Variants in SRM observed in about 807,000 individuals in gnomAD.
SRM encodes spermidine synthase, also known as putrescine aminopropyltransferase.
Under a neutral mutation model 39.3 loss-of-function variants are expected in SRM, and 14 were observed. The ratio of observed to expected loss-of-function variants is 0.36; its 90% CI spans 0.24 to 0.56. The LOEUF (loss-of-function observed/expected upper bound fraction) is 0.56. Among genes scored for constraint, SRM ranks in the 20% least tolerant of loss-of-function variants. The pLI is 0.86. For synonymous variants in SRM, 195 were observed against 173.1 expected (o/e 1.13, Z -0.99); for missense variants, 244 against 409.2 (o/e 0.60, Z 3.48).
intron 2 of SRM, 40 bp downstream of exon 2, chr1:11,059,185 C>A (rs770655737): frequency 3.1e-6 from 5 of 1,612,192 alleles, no homozygotes; most frequent in Non-Finnish European, 4.2e-6. Context: ...CACCTGGGGC[C>A]GCCCCTCGTC....
At chr1:11,059,497 C>A (rs1638938852) in intron 1 of SRM, 152 bp from the exon 2 acceptor site, 1 of 1,372,386 alleles carries the variant, frequency 7.3e-7, no homozygotes, top group Non-Finnish European at 9.9e-7. Context: ...GGCAGGCGGG[C>A]CGCCGGGTGG....
chr1:11,059,491 G>C (rs1019448102), intron 1 of SRM, 146 bp from the exon 2 acceptor site: 51 of 1,416,510 alleles, frequency 3.6e-5, no homozygotes, highest in Non-Finnish European at 4.8e-5. Flanking sequence ...AGGAACGGCA[G>C]GCGGGCCGCC....
chr1:11,059,388 G>A, intron 1 of SRM, 43 bp from the exon 2 acceptor site: 2 of 1,605,900 alleles, frequency 1.2e-6, no homozygotes, highest in South Asian at 2.2e-5. Flanking sequence ...TCTCTGGGGT[G>A]GGGAAAACGT....
At chr1:11,059,401 C>T in intron 1 of SRM, 56 bp from the exon 2 acceptor site, 3 of 1,601,680 alleles carry the variant, frequency 1.9e-6, no homozygotes, top group Non-Finnish European at 2.6e-6. Flanking sequence ...GAAAACGTAC[C>T]CCAAGCCGCC....
chr1:11,055,750 C>CCA, intron 6 of SRM, 31 bp downstream of exon 6: 1 of 1,502,844 alleles, frequency 6.7e-7, no homozygotes, highest in Non-Finnish European at 9.0e-7. Context: ...ACCTTCCCCC[C>CCA]AACCCCCACC....
chr1:11,056,442 C>T (rs1638878754), intron 4 of SRM, among the ~76,000 whole-genome samples, 162 bp downstream of exon 4: 2 of 152,142 alleles, frequency 1.3e-5, no homozygotes, highest in African/African-American at 2.4e-5. Flanking sequence ...TGCCTACTGT[C>T]CTGAGCCATG....
At chr1:11,059,572 G>C (rs1379311649) in intron 1 of SRM, 3 of 912,518 alleles carry the variant, frequency 3.3e-6, no homozygotes, top group Admixed American at 5.8e-5. Context: ...CACGTGGAGC[G>C]GGGCGCAGAC....
intron 3 of SRM, among the ~76,000 whole-genome samples, chr1:11,057,434 C>A (rs546660372): frequency 4.0e-5 from 6 of 150,418 alleles, no homozygotes; most frequent in African/African-American, 1.5e-4. Flanking sequence ...GTTGGGATTA[C>A]AGGCGCACGC....
chr1:11,055,749 C>G (rs771375718), intron 6 of SRM, 32 bp downstream of exon 6: 1 of 1,507,934 alleles, frequency 6.6e-7, no homozygotes, highest in South Asian at 1.2e-5. Flanking sequence ...CACCTTCCCC[C>G]CAACCCCCAC....
At chr1:11,056,157 C>T in intron 4 of SRM, 63 bp from the exon 5 acceptor site, 2 of 1,446,500 alleles carry the variant, frequency 1.4e-6, no homozygotes, top group Non-Finnish European at 1.9e-6. Context: ...CCACTGTCAC[C>T]CACACAGCTA....
At chr1:11,055,959 G>T (rs758103287) in intron 5 of SRM, 33 bp from the exon 6 acceptor site, 12 of 1,588,664 alleles carry the variant, frequency 7.6e-6, no homozygotes, top group African/African-American at 1.3e-5. Context: ...ATCCGGCAGG[G>T]CCTGCCCTGC....
Position 11,054,718 on chromosome 1 carries a change from G to C in SRM, c.*147C>G. 1 of 1,181,032 alleles carries C rather than the reference G, an allele frequency of 8.5e-7. No individual in the cohort carries two copies. The highest frequency in any genetic ancestry group is 1.2e-6 in the Non-Finnish European group (1 of 863,196). 73.2% of individuals were successfully genotyped at this position (1,181,032 alleles called of 1,614,324 possible). On this transcript the variant is annotated 3_prime_UTR_variant, in exon 8 of 8. Coordinates refer to ENST00000376957, the MANE Select transcript of SRM (RefSeq NM_003132.3). This position sits in a 1 kb window ranked among gnomAD's most constrained non-coding sequence, Gnocchi z 4.8. Reference sequence around the variant, plus strand: ...GACACACAGACAGTCCGCCCAGCAGGGCAGGCCGGGCAGCATTCTGGGGCT... The same window carrying C: ...GACACACAGACAGTCCGCCCAGCAGCGCAGGCCGGGCAGCATTCTGGGGCT...
chr1:11,057,202 T>C (rs1638893972), intron 3 of SRM, among the ~76,000 whole-genome samples: 1 of 152,158 alleles, frequency 6.6e-6, no homozygotes, highest in Non-Finnish European at 1.5e-5. Context: ...GGGAGAACTC[T>C]GGTACCTCCA....
intron 6 of SRM, 131 bp from the exon 7 acceptor site, chr1:11,055,215 T>A: frequency 7.5e-7 from 1 of 1,334,532 alleles, no homozygotes; most frequent in Non-Finnish European, 9.9e-7. Flanking sequence ...TCTCCCAGGT[T>A]CAAGTGATTC....
chr1:11,055,747 CCCCAA>C, intron 6 of SRM, 29 bp downstream of exon 6: 2 of 1,498,674 alleles, frequency 1.3e-6, no homozygotes, highest in Non-Finnish European at 1.8e-6. Context: ...CCCACCTTCC[CCCCAA>C]CCCCCACCCC....
At chr1:11,059,552 T>A in intron 1 of SRM, 1 of 956,854 alleles carries the variant, frequency 1.0e-6, no homozygotes, top group Non-Finnish European at 1.5e-6. Context: ...TGACGTGTCC[T>A]GAGGGCTGAC....
rs35820741 is a variant in SRM, at chr1:11,058,559, C to T, written c.381+241G>A. On this transcript the variant is annotated intron_variant, in intron 3 of 7. Coordinates refer to ENST00000376957, the MANE Select transcript of SRM (RefSeq NM_003132.3). ...CTGGGCAACAAGAGCGAAACTCTGT[C>T]TCAAAAAAAAAAAAAAAAAAAAAAT... Among the ~76,000 whole-genome samples the T allele has an allele frequency of 6.9e-5, 9 of 130,348 alleles. No individual in the cohort carries two copies. The East Asian group carries it at 1.6e-3, about 24-fold the overall frequency. 85.5% of individuals were successfully genotyped at this position (130,348 alleles called of 152,430 possible). A position where few individuals can be genotyped will look rare whatever the true frequency, so the allele number is the denominator to read the frequency against.
rs750510577 is a variant in SRM at position 11,054,884 on chromosome 1, G to A, written c.890C>T (p.Ala297Val). The A allele has an allele frequency of 9.3e-6, 15 of 1,610,782 alleles. No homozygotes were observed. The highest frequency in any genetic ancestry group is 1.3e-5 in the Non-Finnish European group (15 of 1,179,298). The change falls in exon 8 of 8, where the codon GCC becomes GTC. Residue 297 changes from alanine to valine, a missense_variant and splice_region_variant. Coordinates refer to ENST00000376957, the MANE Select transcript of SRM (RefSeq NM_003132.3). This position sits in a 1 kb window ranked among gnomAD's most constrained non-coding sequence, Gnocchi z 4.8. ...CTGGGCTCAGCTCACATCATTCAGG[G>A]CCTGGAGGGACATGAGGCCAGTCAG... ...AFVLPEFARK[A>V]LNDVS
At chr1:11,055,249 G>T in intron 6 of SRM, 165 bp from the exon 7 acceptor site, 1 of 1,035,560 alleles carries the variant, frequency 9.7e-7, no homozygotes, top group Non-Finnish European at 1.3e-6. Context: ...TCAGGTACGC[G>T]CCACCACGCC....
Sources: allele counts gnomAD v4.1 joint callset (sites outside exome capture counted in the v4.1 genomes callset), GRCh38; gene constraint gnomAD v4.1.1; non-coding constraint Gnocchi (gnomAD v3.1); transcripts MANE v1.5; gene names NCBI Gene and HGNC (gene_info 2026-07-23, HGNC 2026-07-21).